The following IP6K3 variants were observed in gnomAD, a reference collection of about 807,000 sequenced individuals.
The protein encoded by IP6K3 is inositol hexakisphosphate kinase 3, also known as ATP:1D-myo-inositol-hexakisphosphate phosphotransferase.
IP6K3 carries 20 observed loss-of-function variants against 28.8 expected under a neutral mutation model. The observed-to-expected ratio is 0.70, with a 90% CI of 0.49 to 1.01. The LOEUF is 1.01. Ranked by LOEUF, IP6K3 falls within the 50% of genes least tolerant of loss-of-function variation. The pLI is 0.00. For synonymous variants in IP6K3, 213 were observed against 221.3 expected (o/e 0.96, Z 0.33); for missense variants, 480 against 537.1 (o/e 0.89, Z 1.05).
At chr6:33,723,528 G>T (rs557073362) in intron 5 of IP6K3, among the ~76,000 whole-genome samples, 24 of 152,198 alleles carry the variant, frequency 1.6e-4, no homozygotes, top group Non-Finnish European at 3.1e-4. Flanking sequence ...CTGGCTCCTG[G>T]CCCTCTTCAA....
intron 1 of IP6K3, among the ~76,000 whole-genome samples, chr6:33,743,144 G>A (rs933938860): frequency 6.6e-6 from 1 of 152,320 alleles, no homozygotes; most frequent in Admixed American, 6.5e-5. Context: ...CTGGGCCCCA[G>A]CTCAGTGCAG....
At chr6:33,761,870 C>T in the IP6K3 span, among the ~76,000 whole-genome samples, 1 of 152,066 alleles carries the variant, frequency 6.6e-6, no homozygotes, top group Non-Finnish European at 1.5e-5. Context: ...CTCCTGGCCC[C>T]AGGAGACCCC....
chr6:33,743,190 C>A (rs77638070), intron 1 of IP6K3, among the ~76,000 whole-genome samples: 10,834 of 152,226 alleles, frequency 0.071, 646 homozygotes, highest in African/African-American at 0.16. Flanking sequence ...GGTGCTGAAG[C>A]CTTCGGGACC....
rs1187068342 is a variant in IP6K3 at position 33,746,280 on chromosome 6, C to T, written c.-180+478G>A. 3.3e-5 allele frequency among the ~76,000 whole-genome samples: 5 copies of T among 152,294 alleles called. No individual in the cohort carries two copies. In the South Asian group the frequency reaches 8.3e-4, roughly 25 times the overall value. ...GCCTGGTGCCGGCCTCCTGCCCCCT[C>T]CCGTGGAAAGCTGGGGCTGCTGGGC... On this transcript the variant is annotated intron_variant, in intron 1 of 5. Coordinates refer to ENST00000293756, the MANE Select transcript of IP6K3 (RefSeq NM_054111.5). The surrounding 1 kb of genome is among the most constrained non-coding windows in gnomAD (Gnocchi z 6.5).
intron 1 of IP6K3, among the ~76,000 whole-genome samples, chr6:33,745,185 C>T (rs1278358725): frequency 6.6e-6 from 1 of 152,264 alleles, no homozygotes; most frequent in East Asian, 1.9e-4. Context: ...TTGCTGTTCC[C>T]TGTGGCTGCT....
At chr6:33,725,703 G>A in intron 4 of IP6K3, 87 bp from the exon 5 acceptor site, 1 of 1,242,232 alleles carries the variant, frequency 8.1e-7, no homozygotes, top group Non-Finnish European at 1.1e-6. Flanking sequence ...AAGCTGCCTG[G>A]AAATTCCCTA....
At chr6:33,731,126 G>A (rs970012103) in intron 2 of IP6K3, among the ~76,000 whole-genome samples, 2 of 152,208 alleles carry the variant, frequency 1.3e-5, no homozygotes, top group Non-Finnish European at 1.5e-5. Context: ...GTGCGAGAAG[G>A]GGAGAGAGCC....
chr6:33,739,354 TCTGCAGGGCCTC>T (rs1037809553), intron 1 of IP6K3: 7 of 151,988 alleles, frequency 4.6e-5, no homozygotes, highest in African/African-American at 1.5e-4. Flanking sequence ...TTAGGTGACA[TCTGCAGGGCCTC>T]CTGCTCCTGA....
rs1010720589 is a variant in IP6K3, at chr6:33,742,207, C to A, written c.-180+4551G>T. On this transcript the variant is annotated intron_variant, in intron 1 of 5. Transcript: ENST00000293756. This position sits in a 1 kb window ranked among gnomAD's most constrained non-coding sequence, Gnocchi z 4.5. Reference sequence around the variant, plus strand: ...TCAGGCACCAATGCTGGGACTCGGCCGTGATGAGTCTGTCTCACTCTGAAG... The same window carrying A: ...TCAGGCACCAATGCTGGGACTCGGCAGTGATGAGTCTGTCTCACTCTGAAG... 6.6e-6 allele frequency among the ~76,000 whole-genome samples: 1 copy of A among 152,070 alleles called. No individual in the cohort carries two copies. Among genetic ancestry groups the A allele is most frequent in the Non-Finnish European group, 1.5e-5 (1 of 68,030 alleles).
chr6:33,730,720 G>A (rs867903051), intron 2 of IP6K3, among the ~76,000 whole-genome samples: 3 of 151,974 alleles, frequency 2.0e-5, no homozygotes, highest in South Asian at 2.1e-4. Flanking sequence ...GCCTAGGCTC[G>A]GAGAGATGGG....
chr6:33,736,402 C>CTTTA (rs111828608), intron 1 of IP6K3, among the ~76,000 whole-genome samples: 50 of 151,400 alleles, frequency 3.3e-4, no homozygotes, highest in Admixed American at 5.9e-4. Context: ...TGCTTGCTTG[C>CTTTA]TTTATTTATT....
chr6:33,728,895 C>T (rs573750893), intron 2 of IP6K3, among the ~76,000 whole-genome samples: 2 of 152,292 alleles, frequency 1.3e-5, no homozygotes, highest in South Asian at 2.1e-4. Context: ...TGCCCTCCCC[C>T]GTCTGTCTGC....
At chr6:33,761,081 G>A in the IP6K3 span, among the ~76,000 whole-genome samples, 1 of 152,166 alleles carries the variant, frequency 6.6e-6, no homozygotes, top group Admixed American at 6.5e-5. Context: ...CCTCTTAGGG[G>A]AGGTTTTATT....
chr6:33,752,274 G>A, the IP6K3 span, among the ~76,000 whole-genome samples: 1 of 152,222 alleles, frequency 6.6e-6, no homozygotes, highest in East Asian at 1.9e-4. Flanking sequence ...GACTGCAGGA[G>A]GAAGGTGGCC....
Position 33,722,805 on chromosome 6 carries a change from G to T in IP6K3, c.1148C>A (p.Thr383Asn), listed in dbSNP as rs756280597. 3.1e-6 allele frequency: 5 copies of T among 1,614,054 alleles called. No individual in the cohort carries two copies. Among genetic ancestry groups the T allele is most frequent in the Non-Finnish European group, 4.2e-6 (5 of 1,180,018 alleles). The stretch of plus-strand genomic sequence containing the variant: ...GCCAGGGTCTGGTCCATCGTAGGTG[G>T]TGTGCTCATTCCAGTAGCCCTTGTA... ...TTYKGYWNEH[T>N]TYDGPDPGYI... is the part of the protein sequence containing the mutation. Residue 383 changes from threonine (T) to asparagine (N), a missense_variant, in exon 6 of 6, where the codon ACC becomes AAC. By Grantham distance (65) the Thr-to-Asn change is moderately conservative. Coordinates refer to ENST00000293756, the MANE Select transcript of IP6K3 (RefSeq NM_054111.5).
Position 33,730,797 on chromosome 6 carries a change from G to T in IP6K3, c.200-2497C>A, listed in dbSNP as rs148909495. The stretch of plus-strand genomic sequence containing the variant: ...CTGGGAGGGCCATGCCAGACGTGGG[G>T]ATGGAGGAAAGGACAGGCTGTTCCA... On this transcript the variant is annotated intron_variant, in intron 2 of 5. Transcript: ENST00000293756. Among the ~76,000 whole-genome samples, 93 of 152,344 alleles carry T rather than the reference G, an allele frequency of 6.1e-4. No individual in the cohort carries two copies. In the Middle Eastern group the frequency reaches 0.01, roughly 17 times the overall value.
intron 2 of IP6K3, among the ~76,000 whole-genome samples, chr6:33,730,934 C>T (rs543303615): frequency 2.0e-5 from 3 of 152,310 alleles, no homozygotes; most frequent in Admixed American, 6.5e-5. Context: ...AGAACAGAGA[C>T]GCTGTGATTC....
chr6:33,726,715 G>A lies in IP6K3; in HGVS notation c.589+16C>T. On this transcript the variant is annotated intron_variant, in intron 4 of 5. Coordinates refer to ENST00000293756, the MANE Select transcript of IP6K3 (RefSeq NM_054111.5). ...CCCGCCCTTGGGACCACATGTGAGG[G>A]GGATGGCAAGGATACGATGCCGCTT... The A allele has an allele frequency of 6.4e-7, 1 of 1,562,232 alleles. No homozygotes were observed. The highest frequency in any genetic ancestry group is 8.7e-7 in the Non-Finnish European group (1 of 1,145,136).
chr6:33,741,602 T>C (rs1205017256), intron 1 of IP6K3, among the ~76,000 whole-genome samples: 4 of 132,478 alleles, frequency 3.0e-5, no homozygotes. Context: ...GCCAAGATCA[T>C]GTCATTGCAC....
Sources: allele counts gnomAD v4.1 joint callset (sites outside exome capture counted in the v4.1 genomes callset), GRCh38; gene constraint gnomAD v4.1.1; non-coding constraint Gnocchi (gnomAD v3.1); transcripts MANE v1.5; gene names NCBI Gene and HGNC (gene_info 2026-07-23, HGNC 2026-07-21).